The following SORCS1 variants were observed in gnomAD, a reference collection of about 807,000 sequenced individuals.
SORCS1 encodes VPS10 domain-containing receptor SorCS1.
In SORCS1, 60 loss-of-function variants were observed where a neutral mutation model predicts 146.1. The ratio of observed to expected loss-of-function variants is 0.41; its 90% CI spans 0.33 to 0.51. SORCS1 has a LOEUF of 0.51. Ranked by LOEUF, SORCS1 falls within the 20% of genes least tolerant of loss-of-function variation. The pLI is 0.21. For synonymous variants in SORCS1, 637 were observed against 584.0 expected (o/e 1.09, Z -1.31); for missense variants, 1,352 against 1,487.6 (o/e 0.91, Z 1.50).
intron 13 of SORCS1, 22 bp from the exon 14 acceptor site, chr10:106,675,178 G>T: frequency 6.5e-7 from 1 of 1,534,786 alleles, no homozygotes; most frequent in Non-Finnish European, 9.0e-7. Flanking sequence ...AAAAATATCA[G>T]TCATCAGATC....
chr10:107,180,522 T>C, the SORCS1 span, among the ~76,000 whole-genome samples: 1 of 152,148 alleles, frequency 6.6e-6, no homozygotes, highest in Non-Finnish European at 1.5e-5. Context: ...TCTCTTTTTT[T>C]CCTTTGTTGG....
chr10:106,771,039 C>T (rs890032343), intron 4 of SORCS1, among the ~76,000 whole-genome samples: 1 of 152,228 alleles, frequency 6.6e-6, no homozygotes, highest in Non-Finnish European at 1.5e-5. Context: ...CAAGGGGCCT[C>T]TGCTCTCCAG....
intron 10 of SORCS1, 126 bp downstream of exon 10, chr10:106,688,066 C>A (rs957480174): frequency 1.5e-6 from 2 of 1,344,744 alleles, no homozygotes; most frequent in African/African-American, 1.5e-5. Flanking sequence ...TTTGCCTTCA[C>A]GCCCTTCCCC....
intron 1 of SORCS1, among the ~76,000 whole-genome samples, chr10:107,158,821 A>G (rs1969493861): frequency 6.6e-6 from 1 of 152,160 alleles, no homozygotes; most frequent in Non-Finnish European, 1.5e-5. Flanking sequence ...AATGGGAGCA[A>G]TTATTATTTT....
At chr10:106,899,100 A>G (rs1951598576) in intron 2 of SORCS1, among the ~76,000 whole-genome samples, 1 of 152,238 alleles carries the variant, frequency 6.6e-6, no homozygotes, top group South Asian at 2.1e-4. Context: ...AAGTCCTACC[A>G]GTAGAACGTG....
rs374940460 is a variant in SORCS1, at chr10:106,909,091, G to A, written c.626+47422C>T. 5.3e-5 allele frequency among the ~76,000 whole-genome samples: 8 copies of A among 152,254 alleles called. No individual in the cohort carries two copies. In the East Asian group the frequency reaches 7.7e-4, roughly 15 times the overall value. On this transcript the variant is annotated intron_variant, in intron 2 of 25. Transcript: ENST00000263054. ...ACAGCCACTAAGCAAGCAGTTCCTT[G>A]CCCTCTCCACCCTTCTCCTTCACTG... is the stretch of plus-strand genomic sequence containing the variant.
At chr10:107,089,591 G>A (rs1267717064) in intron 1 of SORCS1, among the ~76,000 whole-genome samples, 1 of 151,964 alleles carries the variant, frequency 6.6e-6, no homozygotes, top group African/African-American at 2.4e-5. Context: ...GCCAAACCTT[G>A]AACAGGGGAC....
At chr10:106,828,171 T>C (rs1480187271) in intron 3 of SORCS1, among the ~76,000 whole-genome samples, 2 of 152,208 alleles carry the variant, frequency 1.3e-5, no homozygotes, top group East Asian at 1.9e-4. Context: ...TAAATCACCA[T>C]GCTTATATAC....
At chr10:107,136,415 C>T (rs1393112137) in intron 1 of SORCS1, among the ~76,000 whole-genome samples, 1 of 152,118 alleles carries the variant, frequency 6.6e-6, no homozygotes, top group Non-Finnish European at 1.5e-5. Flanking sequence ...AACAAAAACA[C>T]AATGCATCAT....
At chr10:106,609,186 G>C (rs1846806588) in intron 22 of SORCS1, among the ~76,000 whole-genome samples, 2 of 152,138 alleles carry the variant, frequency 1.3e-5, no homozygotes, top group African/African-American at 4.8e-5. Flanking sequence ...CCAGTGCTCT[G>C]TACCTCCCTT....
At position 106,770,370 on chromosome 10, in the gene SORCS1, A is replaced by G. The variant is rs796145637; in HGVS notation, c.885+6164T>C. On this transcript the variant is annotated intron_variant, in intron 4 of 25. Coordinates refer to ENST00000263054, the MANE Select transcript of SORCS1 (RefSeq NM_052918.5). ...AGCGAGTCAATATAAACTTACAAAT[A>G]TTCTAGAACTGCCACAAAATAAAGG... Among the ~76,000 whole-genome samples the G allele has an allele frequency of 2.0e-5, 3 of 152,174 alleles. No homozygotes were observed. The South Asian group carries it at 6.2e-4, about 31-fold the overall frequency.
At chr10:106,670,545 A>C (rs558031728) in intron 16 of SORCS1, among the ~76,000 whole-genome samples, 1 of 152,154 alleles carries the variant, frequency 6.6e-6, no homozygotes. Context: ...GGGACAGAAA[A>C]TTTTCTGCCT....
intron 2 of SORCS1, among the ~76,000 whole-genome samples, chr10:106,881,870 A>G (rs1301041096): frequency 6.6e-6 from 1 of 152,216 alleles, no homozygotes; most frequent in African/African-American, 2.4e-5. Context: ...TGAACATTCT[A>G]TTGTATGCCA....
chr10:106,843,637 G>A (rs998996091), intron 2 of SORCS1, among the ~76,000 whole-genome samples: 8 of 151,994 alleles, frequency 5.3e-5, no homozygotes, highest in South Asian at 4.2e-4. Context: ...GGATTTCACC[G>A]TGTTAGCCAG....
intron 3 of SORCS1, among the ~76,000 whole-genome samples, chr10:106,816,696 C>A (rs72825297): frequency 6.6e-6 from 1 of 152,018 alleles, no homozygotes; most frequent in Non-Finnish European, 1.5e-5. Context: ...TGGTCTGCCC[C>A]TTCTTTTAAA....
intron 2 of SORCS1, among the ~76,000 whole-genome samples, chr10:106,899,627 C>T (rs1951624107): frequency 8.6e-6 from 1 of 116,002 alleles, no homozygotes; most frequent in Admixed American, 1.0e-4. Context: ...AAAATTTTTA[C>T]AGTAGCCTCT....
chr10:106,717,353 C>T (rs965334377), intron 6 of SORCS1, among the ~76,000 whole-genome samples: 2 of 152,194 alleles, frequency 1.3e-5, no homozygotes, highest in Admixed American at 6.5e-5. Flanking sequence ...ATTCTAGTGC[C>T]CTCTGTCACA....
At chr10:107,159,166 T>C (rs534379290) in intron 1 of SORCS1, among the ~76,000 whole-genome samples, 53 of 152,282 alleles carry the variant, frequency 3.5e-4, no homozygotes, top group African/African-American at 1.2e-3. Flanking sequence ...TAAACAGATA[T>C]GCATATGAAC....
At chr10:106,768,225 A>G (rs963712062) in intron 4 of SORCS1, among the ~76,000 whole-genome samples, 2 of 152,188 alleles carry the variant, frequency 1.3e-5, no homozygotes, top group African/African-American at 4.8e-5. Flanking sequence ...AATTACTCAC[A>G]TATTCATGAG....
Sources: gnomAD v4.1 joint callset for allele counts (sites outside exome capture counted in the v4.1 genomes callset) on GRCh38, gnomAD v4.1.1 for gene constraint, MANE v1.5 for transcripts, NCBI Gene and HGNC (gene_info 2026-07-23, HGNC 2026-07-21) for gene names.